Variants in HIP1 observed in about 807,000 individuals in gnomAD.
HIP1 encodes huntingtin interacting protein 1, also known as huntingtin-interacting protein 1.
Under a neutral mutation model 147.6 loss-of-function variants are expected in HIP1, and 65 were observed. The ratio of observed to expected loss-of-function variants is 0.44; its 90% CI spans 0.36 to 0.54. The LOEUF is 0.54. HIP1 is among the 20% of genes least tolerant of loss of function. HIP1 has a pLI of 0.00. For missense variants in HIP1, 1,061 were observed against 1,299.6 expected, an observed-to-expected ratio of 0.82 and a Z score of 2.82; for synonymous variants, 479 against 504.0, an observed-to-expected ratio of 0.95 and a Z score of 0.67.
intron 1 of HIP1, among the ~76,000 whole-genome samples, chr7:75,610,909 T>A (rs61234847): frequency 0.081 from 11,729 of 144,090 alleles, 1,148 homozygotes; most frequent in African/African-American, 0.24. Flanking sequence ...ATATATATAC[T>A]TTTTTTTTTG....
chr7:75,698,738 T>C (rs1800716713), intron 1 of HIP1, among the ~76,000 whole-genome samples: 2 of 151,876 alleles, frequency 1.3e-5, no homozygotes, highest in Non-Finnish European at 2.9e-5. Context: ...GAGGAATACT[T>C]AAGCCCAGGA....
At chr7:75,607,668 C>T (rs1012672765) in intron 1 of HIP1, among the ~76,000 whole-genome samples, 4 of 151,772 alleles carry the variant, frequency 2.6e-5, no homozygotes, top group African/African-American at 7.2e-5. Flanking sequence ...GCCATGATCA[C>T]GCCACTGCAC....
chr7:75,636,972 A>G (rs1371494341), intron 1 of HIP1, among the ~76,000 whole-genome samples: 1 of 152,060 alleles, frequency 6.6e-6, no homozygotes, highest in Non-Finnish European at 1.5e-5. Flanking sequence ...CGATTCTCCC[A>G]ACAGGCAATG....
chr7:75,542,035 C>T, intron 28 of HIP1, 55 bp from the exon 29 acceptor site: 4 of 1,418,794 alleles, frequency 2.8e-6, no homozygotes, highest in Non-Finnish European at 4.0e-6. Flanking sequence ...CTGACTGGCA[C>T]CTGAGAGGCA....
intron 1 of HIP1, among the ~76,000 whole-genome samples, chr7:75,690,732 C>T (rs1431150425): frequency 6.6e-6 from 1 of 152,010 alleles, no homozygotes; most frequent in Non-Finnish European, 1.5e-5. Context: ...CATGGTGGTG[C>T]ATGCCTGTAA....
At chr7:75,565,766 C>G (rs1171752901) in intron 9 of HIP1, among the ~76,000 whole-genome samples, 4 of 148,762 alleles carry the variant, frequency 2.7e-5, no homozygotes, top group African/African-American at 9.9e-5. Context: ...GAGTCTTGCT[C>G]TGTTGCCCAA....
chr7:75,580,974 T>C (rs1448817011), intron 7 of HIP1, among the ~76,000 whole-genome samples: 1 of 152,152 alleles, frequency 6.6e-6, no homozygotes, highest in Non-Finnish European at 1.5e-5. Flanking sequence ...ACTTCTGGCC[T>C]CAAGTGATGG....
chr7:75,565,307 G>T (rs1554495317), intron 9 of HIP1, among the ~76,000 whole-genome samples: 1 of 152,200 alleles, frequency 6.6e-6, no homozygotes, highest in African/African-American at 2.4e-5. Flanking sequence ...AGAAGCAAAT[G>T]AAAGGAAATG....
intron 11 of HIP1, 56 bp downstream of exon 11, chr7:75,562,879 C>T: frequency 6.3e-7 from 1 of 1,591,470 alleles, no homozygotes; most frequent in Non-Finnish European, 8.6e-7. Flanking sequence ...CCCAGCCTCT[C>T]CCCTGTACTT....
chr7:75,591,501 AG>A (rs1158329454), intron 4 of HIP1, among the ~76,000 whole-genome samples: 1 of 152,128 alleles, frequency 6.6e-6, no homozygotes, highest in African/African-American at 2.4e-5. Flanking sequence ...TAAACAGGAA[AG>A]AAAAAGCTCT....
intron 10 of HIP1, 39 bp downstream of exon 10, chr7:75,563,149 C>T (rs200210169): frequency 9.9e-6 from 16 of 1,613,752 alleles, no homozygotes; most frequent in African/African-American, 2.7e-5. Context: ...GTACCTGGGG[C>T]CTCTGCAGTG....
chr7:75,580,047 G>T (rs192098612), intron 7 of HIP1, among the ~76,000 whole-genome samples: 1 of 152,326 alleles, frequency 6.6e-6, no homozygotes, highest in Admixed American at 6.5e-5. Flanking sequence ...GGGGCTGATG[G>T]TCTGGAGGCA....
At chr7:75,687,868 C>T (rs1800318962) in intron 1 of HIP1, among the ~76,000 whole-genome samples, 1 of 152,164 alleles carries the variant, frequency 6.6e-6, no homozygotes, top group Admixed American at 6.6e-5. Flanking sequence ...TTCCCAGAAC[C>T]TGGCTGTCTC....
At chr7:75,717,622 C>T (rs560130419) in intron 1 of HIP1, among the ~76,000 whole-genome samples, 4 of 141,634 alleles carry the variant, frequency 2.8e-5, no homozygotes, top group East Asian at 2.1e-4. Flanking sequence ...ACTCGAGGTC[C>T]GGAGTTCAAG....
chr7:75,558,302 C>T lies in HIP1; in HGVS notation c.1376-47G>A, dbSNP rs374707181. 47 of 1,417,456 alleles carry T rather than the reference C, an allele frequency of 3.3e-5. No homozygotes were observed. In the African/African-American group the frequency reaches 5.9e-4, roughly 18 times the overall value. 87.8% of individuals were successfully genotyped at this position (1,417,456 alleles called of 1,614,324 possible). On this transcript the variant is annotated intron_variant, in intron 14 of 30. Transcript: ENST00000336926. ...TGAGGAGTCTAACCTAGCAGGGACC[C>T]TTGCCTTCCTTGCAATGAGCCAGGG...
chr7:75,609,156 C>A (rs1285454963), intron 1 of HIP1, among the ~76,000 whole-genome samples: 1 of 152,186 alleles, frequency 6.6e-6, no homozygotes. Flanking sequence ...CTGTCCCAGA[C>A]CCTTCTCCTG....
At chr7:75,650,571 GCC>G in intron 1 of HIP1, among the ~76,000 whole-genome samples, 1 of 150,610 alleles carries the variant, frequency 6.6e-6, no homozygotes, top group African/African-American at 2.4e-5. Context: ...TCCTGTTTTA[GCC>G]TCCCAAGTTG....
intron 1 of HIP1, among the ~76,000 whole-genome samples, chr7:75,671,980 C>T (rs1275177636): frequency 6.6e-6 from 1 of 152,204 alleles, no homozygotes; most frequent in African/African-American, 2.4e-5. Context: ...GATGATCCAC[C>T]CGCCTCAGCC....
chr7:75,663,733 G>A (rs879968224), intron 1 of HIP1, among the ~76,000 whole-genome samples: 3 of 150,898 alleles, frequency 2.0e-5, no homozygotes, highest in African/African-American at 2.4e-5. Context: ...GTATTTAGGA[G>A]GTAAAACCCA....
Sources: allele counts gnomAD v4.1 joint callset (sites outside exome capture counted in the v4.1 genomes callset), GRCh38; gene constraint gnomAD v4.1.1; transcripts MANE v1.5; gene names NCBI Gene and HGNC (gene_info 2026-07-23, HGNC 2026-07-21).